Variants in HSD17B11 observed in about 807,000 individuals in gnomAD.
HSD17B11 encodes estradiol 17-beta-dehydrogenase 11.
HSD17B11 carries 22 observed loss-of-function variants against 27.8 expected under a neutral mutation model. The observed-to-expected ratio is 0.79, with a 90% CI of 0.56 to 1.13. The LOEUF (loss-of-function observed/expected upper bound fraction) is 1.13, where lower values mean the gene tolerates loss of function less well. HSD17B11 is among the 50% of genes most tolerant of loss of function. The pLI, the probability that HSD17B11 is intolerant of heterozygous loss-of-function variation, is 0.00. For synonymous variants in HSD17B11, 117 were observed against 132.8 expected (o/e 0.88, Z 0.82); for missense variants, 314 against 351.1 (o/e 0.89, Z 0.84).
intron 4 of HSD17B11, among the ~76,000 whole-genome samples, chr4:87,360,712 G>A (rs1735493864): frequency 6.6e-6 from 1 of 152,162 alleles, no homozygotes; most frequent in African/African-American, 2.4e-5. Context: ...GAGGAAGACA[G>A]CCTGCTTGAG....
At chr4:87,372,918 G>A (rs1578042936) in intron 3 of HSD17B11, 103 bp from the exon 4 acceptor site, 3 of 695,696 alleles carry the variant, frequency 4.3e-6, no homozygotes, top group Non-Finnish European at 4.8e-6. Flanking sequence ...CATTAATCCT[G>A]TCATAAATGA....
At chr4:87,371,934 T>C (rs1361552977) in intron 4 of HSD17B11, among the ~76,000 whole-genome samples, 1 of 152,050 alleles carries the variant, frequency 6.6e-6, no homozygotes, top group East Asian at 1.9e-4. Flanking sequence ...ATGGCACCCT[T>C]GTGTGGTTTC....
At chr4:87,368,471 C>G (rs1314065317) in intron 4 of HSD17B11, among the ~76,000 whole-genome samples, 1 of 152,076 alleles carries the variant, frequency 6.6e-6, no homozygotes, top group Admixed American at 6.5e-5. Flanking sequence ...GAAGAAGTTA[C>G]AAAAGATGGA....
chr4:87,368,231 G>A (rs1489604733), intron 4 of HSD17B11, among the ~76,000 whole-genome samples: 2 of 152,054 alleles, frequency 1.3e-5, no homozygotes, highest in Non-Finnish European at 2.9e-5. Context: ...GCAGGAGAAT[G>A]GCATGAACCC....
chr4:87,361,494 A>G (rs1365722998), intron 4 of HSD17B11, among the ~76,000 whole-genome samples: 2 of 152,166 alleles, frequency 1.3e-5, no homozygotes, highest in South Asian at 2.1e-4. Flanking sequence ...TCGGCCGGGC[A>G]TGGTGGCTCA....
intron 5 of HSD17B11, among the ~76,000 whole-genome samples, chr4:87,354,613 A>G (rs1735346235): frequency 6.6e-6 from 1 of 151,338 alleles, no homozygotes; most frequent in Non-Finnish European, 1.5e-5. Context: ...CACTGCATCC[A>G]GCCTGGGTGA....
chr4:87,357,180 C>T (rs1175889215), intron 5 of HSD17B11, 99 bp downstream of exon 5: 1 of 1,226,402 alleles, frequency 8.2e-7, no homozygotes, highest in Admixed American at 2.9e-5. Context: ...AGAGCTTTAA[C>T]TATCAGGTGT....
chr4:87,387,217 A>G (rs948041210), intron 1 of HSD17B11: 1 of 152,252 alleles, frequency 6.6e-6, no homozygotes, highest in Non-Finnish European at 1.5e-5. Flanking sequence ...AATAGTCAAG[A>G]AGTGATAGAT....
At position 87,347,124 on chromosome 4, in the gene HSD17B11, T is replaced by TC. The variant is rs1312181702; in HGVS notation, c.696-6519_696-6518insG. Among the ~76,000 whole-genome samples the TC allele has an allele frequency of 3.4e-5, 3 of 87,502 alleles. 1 individual carries two copies. Among genetic ancestry groups the TC allele is most frequent in the African/African-American group, 7.2e-5 (1 of 13,894 alleles). The allele number at this position is 87,502 out of a possible 152,430, so 57.4% of individuals were successfully genotyped here. A position where few individuals can be genotyped will look rare whatever the true frequency, so the allele number is the denominator to read the frequency against. ...CTGGATTTTTTTTTTTTCTTTTTTT[T>TC]TTTTTTTTTTTTATTATACTCTAAG... On this transcript the variant is annotated intron_variant, in intron 5 of 6. Transcript: ENST00000358290.
intron 5 of HSD17B11, among the ~76,000 whole-genome samples, chr4:87,344,616 A>C (rs1433776264): frequency 6.6e-6 from 1 of 152,216 alleles, no homozygotes. Flanking sequence ...GACCAGCAGA[A>C]ATAGAAGACT....
At chr4:87,337,689 G>C (rs1735078572) in intron 6 of HSD17B11, among the ~76,000 whole-genome samples, 3 of 152,118 alleles carry the variant, frequency 2.0e-5, no homozygotes, top group African/African-American at 7.2e-5. Flanking sequence ...ACATTAAAAA[G>C]GAAATGAGAA....
At chr4:87,379,699 CTATTA>C (rs1319053933) in intron 2 of HSD17B11, among the ~76,000 whole-genome samples, 2 of 141,866 alleles carry the variant, frequency 1.4e-5, no homozygotes, top group Non-Finnish European at 3.0e-5. Context: ...GTATACTATA[CTATTA>C]TATTAGTATA....
rs577417700 is a variant in HSD17B11, at chr4:87,341,885, A to G, written c.696-1279T>C. ...TGTCTCTAAATAAATAAATAGATAG[A>G]TAAGTGGCTTAAAAAAATCAGTTAC... On this transcript the variant is annotated intron_variant, in intron 5 of 6. Coordinates refer to ENST00000358290, the MANE Select transcript of HSD17B11 (RefSeq NM_016245.5). Among the ~76,000 whole-genome samples, 55 of 149,232 alleles carry G rather than the reference A, an allele frequency of 3.7e-4. No individual in the cohort carries two copies. In the South Asian group the frequency reaches 4.7e-3, roughly 13 times the overall value.
intron 5 of HSD17B11, among the ~76,000 whole-genome samples, chr4:87,344,420 T>C (rs947777751): frequency 1.3e-5 from 2 of 152,216 alleles, no homozygotes; most frequent in African/African-American, 2.4e-5. Context: ...TGGAAAGAGA[T>C]AATTTATTTC....
rs141468645 is a variant in HSD17B11 at position 87,340,339 on chromosome 4, C to A, written c.812+151G>T. ...TCATTTACCCAAGAGCTGTATCAAT[C>A]TTGCCTCAATGTTATTGAGCCTGTT... On this transcript the variant is annotated intron_variant, in intron 6 of 6. Transcript: ENST00000358290. 1.1e-3 allele frequency: 546 copies of A among 478,510 alleles called. 4 individuals carry two copies. The highest frequency in any genetic ancestry group is 9.5e-3 in the African/African-American group (483 of 50,634). The allele number at this position is 478,510 out of a possible 1,614,324, so 29.6% of individuals were successfully genotyped here. A position where few individuals can be genotyped will look rare whatever the true frequency, so the allele number is the denominator to read the frequency against.
At chr4:87,381,869 C>T (rs1720182560) in intron 2 of HSD17B11, among the ~76,000 whole-genome samples, 1 of 152,008 alleles carries the variant, frequency 6.6e-6, no homozygotes, top group African/African-American at 2.4e-5. Flanking sequence ...GAATGGGCTT[C>T]AGAAGACCCT....
intron 1 of HSD17B11, among the ~76,000 whole-genome samples, chr4:87,389,276 G>A (rs542272261): frequency 1.3e-5 from 2 of 152,172 alleles, no homozygotes; most frequent in Non-Finnish European, 2.9e-5. Context: ...AAGCTGGAAT[G>A]CAATGGCATG....
At chr4:87,375,883 G>C (rs1735813866) in intron 2 of HSD17B11, among the ~76,000 whole-genome samples, 1 of 152,152 alleles carries the variant, frequency 6.6e-6, no homozygotes, top group African/African-American at 2.4e-5. Context: ...CTCTCCATTA[G>C]GTGGCAGTAG....
intron 6 of HSD17B11, among the ~76,000 whole-genome samples, chr4:87,337,795 C>T (rs1049213460): frequency 1.3e-5 from 2 of 152,234 alleles, no homozygotes; most frequent in Non-Finnish European, 2.9e-5. Flanking sequence ...ATGCAGACAA[C>T]GCTTTGGTTT....
Sources: allele counts gnomAD v4.1 joint callset (sites outside exome capture counted in the v4.1 genomes callset), GRCh38; gene constraint gnomAD v4.1.1; transcripts MANE v1.5; gene names NCBI Gene and HGNC (gene_info 2026-07-23, HGNC 2026-07-21).